The following WNK2 variants were observed in gnomAD, a reference collection of about 807,000 sequenced individuals.
The protein encoded by WNK2 is WNK lysine deficient protein kinase 2.
Under a neutral mutation model 192.1 loss-of-function variants are expected in WNK2, and 67 were observed. That is an observed-to-expected ratio of 0.35 (90% CI 0.29 to 0.43). The LOEUF (loss-of-function observed/expected upper bound fraction) is 0.43, where lower values mean the gene tolerates loss of function less well. WNK2 is among the 20% of genes least tolerant of loss of function. WNK2 has a pLI of 1.00. For missense variants in WNK2, 2,698 were observed against 3,089.7 expected, an observed-to-expected ratio of 0.87 and a Z score of 3.01; for synonymous variants, 1,439 against 1,393.9, an observed-to-expected ratio of 1.03 and a Z score of -0.72.
rs191060295 is a variant in WNK2, at chr9:93,190,905, G to A, written c.681+5295G>A. On this transcript the variant is annotated intron_variant, in intron 2 of 29. Coordinates refer to ENST00000427277, the MANE Select transcript of WNK2 (RefSeq NM_006648.4). ...CAGGTGACCTAGAGGTGGCCACTGGGACACCAGACAGACCCAGATGGGGAC... is the reference window on the plus strand; with the variant it reads ...CAGGTGACCTAGAGGTGGCCACTGGAACACCAGACAGACCCAGATGGGGAC... Among the ~76,000 whole-genome samples the A allele has an allele frequency of 4.5e-3, 691 of 152,324 alleles. 2 individuals carry two copies. Among genetic ancestry groups the A allele is most frequent in the Middle Eastern group, 0.01 (3 of 294 alleles).
intron 2 of WNK2, among the ~76,000 whole-genome samples, chr9:93,192,314 GA>G (rs1052238373): frequency 5.0e-4 from 68 of 136,116 alleles, no homozygotes; most frequent in East Asian, 6.3e-4. Context: ...TCCGTCTCAA[GA>G]AAAAAAAAAA....
chr9:93,207,935 T>C (rs968359921), intron 2 of WNK2, among the ~76,000 whole-genome samples: 1 of 152,218 alleles, frequency 6.6e-6, no homozygotes, highest in African/African-American at 2.4e-5. Flanking sequence ...GGGGGACAGC[T>C]TCGTGTCCCA....
chr9:93,286,419 T>C (rs1006837860), intron 19 of WNK2, among the ~76,000 whole-genome samples: 1 of 152,174 alleles, frequency 6.6e-6, no homozygotes, highest in Non-Finnish European at 1.5e-5. Flanking sequence ...AGGTACTCAA[T>C]TGAATTAAGT....
intron 19 of WNK2, among the ~76,000 whole-genome samples, chr9:93,273,761 A>G (rs1846337116): frequency 6.6e-6 from 1 of 152,280 alleles, no homozygotes; most frequent in Non-Finnish European, 1.5e-5. Context: ...GTTATAAAAC[A>G]AAACTTAACA....
rs1372154964 is a variant in WNK2 at position 93,262,086 on chromosome 9, G to A, written c.3339G>A (p.Leu1113=). 2 of 1,603,520 alleles carry A rather than the reference G, an allele frequency of 1.2e-6. No individual in the cohort carries two copies. Reference sequence around the variant, plus strand: ...CCAGCCCTTGCCCAACTGTCCAGCTGACGGTGGAACCAGTCCAAGAGGTGT... The same window carrying A: ...CCAGCCCTTGCCCAACTGTCCAGCTAACGGTGGAACCAGTCCAAGAGGTGT... ...GIASPCPTVQ[L]TVEPVQEEQA... Residue 1113 remains leucine, a synonymous_variant, in exon 13 of 30, where the codon CTG becomes CTA. Transcript: ENST00000427277.
In WNK2 at chr9:93,261,931, GC is replaced by G; in HGVS notation, c.3188del (p.Pro1063LeufsTer51). ...TCTGCCGGAAGTGCTGCTGCCTGCC[GC>G]CCCTGAGCTCCTGCCTCAGTTCCCC... ...PPLPEVLLPAAPELLPQFPSS... is the reference protein window; with the variant it reads ...PPLPEVLLPAXPELLPQFPSS... On this transcript the variant is annotated frameshift_variant, in exon 13 of 30. Coordinates refer to ENST00000427277, the MANE Select transcript of WNK2 (RefSeq NM_006648.4). LOFTEE classifies it high-confidence loss of function. 6.2e-7 allele frequency: 1 copy of G among 1,609,618 alleles called. No individual in the cohort carries two copies. The highest frequency in any genetic ancestry group is 8.5e-7 in the Non-Finnish European group (1 of 1,179,720).
chr9:93,282,990 A>G (rs542580972), intron 19 of WNK2, among the ~76,000 whole-genome samples: 1 of 152,218 alleles, frequency 6.6e-6, no homozygotes, highest in Non-Finnish European at 1.5e-5. Context: ...CATTAACTAG[A>G]AGATAACTAG....
intron 2 of WNK2, among the ~76,000 whole-genome samples, chr9:93,189,276 A>G (rs1829896831): frequency 6.6e-6 from 1 of 152,196 alleles, no homozygotes; most frequent in Non-Finnish European, 1.5e-5. Context: ...CTGCTGTGGC[A>G]GGGCTGGAAC....
intron 19 of WNK2, among the ~76,000 whole-genome samples, chr9:93,285,933 G>A (rs763231484): frequency 2.0e-5 from 3 of 152,230 alleles, no homozygotes; most frequent in South Asian, 2.1e-4. Flanking sequence ...AGTGGAGACC[G>A]GGTGGTCTTC....
At chr9:93,302,896 A>T (rs923253696) in intron 26 of WNK2, among the ~76,000 whole-genome samples, 2 of 149,834 alleles carry the variant, frequency 1.3e-5, no homozygotes, top group African/African-American at 4.9e-5. Context: ...TGGGGAGCTC[A>T]CATGACCCAG....
In WNK2 at chr9:93,268,034, C is replaced by T. The variant is rs752228425; in HGVS notation, c.3882C>T (p.Ser1294=). 4 of 1,612,238 alleles carry T rather than the reference C, an allele frequency of 2.5e-6. No homozygotes were observed. The highest frequency in any genetic ancestry group is 3.4e-6 in the Non-Finnish European group (4 of 1,179,240). ...GLGTGEESRQ[S]QANAPVYQQN... is the part of the protein sequence containing the mutation. ...ACCTCATTCAGGAGAGCCGACAATCCCAAGCCAACGCCCCCGTGTATCAGC... is the reference window on the plus strand; with the variant it reads ...ACCTCATTCAGGAGAGCCGACAATCTCAAGCCAACGCCCCCGTGTATCAGC... The change falls in exon 18 of 30, where the codon TCC becomes TCT. Residue 1294 remains serine, a synonymous_variant. Coordinates refer to ENST00000427277, the MANE Select transcript of WNK2 (RefSeq NM_006648.4).
At chr9:93,317,212 T>C (rs1588671809) in intron 28 of WNK2, 1 of 494,040 alleles carries the variant, frequency 2.0e-6, no homozygotes, top group East Asian at 3.8e-5. Context: ...GCATGTGGGG[T>C]CACTCATGCG....
chr9:93,284,499 G>A (rs1848171353), intron 19 of WNK2, among the ~76,000 whole-genome samples: 1 of 151,604 alleles, frequency 6.6e-6, no homozygotes, highest in South Asian at 2.1e-4. Context: ...ATTCTTAATG[G>A]TGAAATGTGG....
intron 9 of WNK2, among the ~76,000 whole-genome samples, chr9:93,253,979 T>C (rs1446411004): frequency 6.6e-6 from 1 of 152,116 alleles, no homozygotes; most frequent in African/African-American, 2.4e-5. Context: ...TGCAGTGGCG[T>C]GATCTCAGCT....
chr9:93,289,667 G>A (rs949373960), intron 20 of WNK2, 47 bp downstream of exon 20: 9 of 1,420,914 alleles, frequency 6.3e-6, no homozygotes, highest in African/African-American at 2.9e-5. Context: ...GTCAGGGGCC[G>A]GAGCCCGGGC....
At chr9:93,248,261 A>T (rs1842067231) in intron 8 of WNK2, among the ~76,000 whole-genome samples, 1 of 152,214 alleles carries the variant, frequency 6.6e-6, no homozygotes, top group South Asian at 2.1e-4. Flanking sequence ...GGTATGGGTG[A>T]GCCTTGTTTC....
intron 23 of WNK2, 102 bp from the exon 24 acceptor site, chr9:93,297,751 C>G: frequency 7.9e-7 from 1 of 1,258,980 alleles, no homozygotes; most frequent in Non-Finnish European, 1.1e-6. Flanking sequence ...GGTGCCCACC[C>G]TTCATCCCAT....
Position 93,185,406 on chromosome 9 carries a change from C to G in WNK2, c.477C>G (p.Ala159=), listed in dbSNP as rs763793057. 3.1e-6 allele frequency: 5 copies of G among 1,606,356 alleles called. No homozygotes were observed. Among genetic ancestry groups the G allele is most frequent in the South Asian group, 1.1e-5 (1 of 90,360 alleles). Residue 159 remains alanine, a synonymous_variant, in exon 2 of 30, where the codon GCC becomes GCG. Transcript: ENST00000427277. Reference sequence around the variant, plus strand: ...TGAGGAAGGAGGATGAGGGGGCGGCCGAGGCGAAGCCTGAGCCCGGGCGCA... The same window carrying G: ...TGAGGAAGGAGGATGAGGGGGCGGCGGAGGCGAAGCCTGAGCCCGGGCGCA... ...ATVRKEDEGA[A]EAKPEPGRTR...
chr9:93,184,413 G>A (rs1326914160), intron 1 of WNK2, among the ~76,000 whole-genome samples, 28 bp downstream of exon 1: 4 of 150,786 alleles, frequency 2.7e-5, no homozygotes. Context: ...CCTCAACGCC[G>A]CTCGCCGCCT....
Sources: allele counts gnomAD v4.1 joint callset (sites outside exome capture counted in the v4.1 genomes callset), GRCh38; gene constraint gnomAD v4.1.1; transcripts MANE v1.5; gene names NCBI Gene and HGNC (gene_info 2026-07-23, HGNC 2026-07-21).